The following ANKFN1 variants were observed in gnomAD, a reference collection of about 807,000 sequenced individuals.
ANKFN1 encodes ankyrin repeat and fibronectin type III domain containing 1.
ANKFN1 carries 74 observed loss-of-function variants against 108.7 expected under a neutral mutation model. The ratio of observed to expected loss-of-function variants is 0.68; its 90% CI spans 0.56 to 0.83. ANKFN1 has a LOEUF of 0.83. ANKFN1 is among the 40% of genes least tolerant of loss of function. The pLI, the probability that ANKFN1 is intolerant of heterozygous loss-of-function variation, is 0.00. For missense variants in ANKFN1, 1,505 were observed against 1,382.3 expected (o/e 1.09, Z -1.41); for synonymous variants, 547 against 516.2 (o/e 1.06, Z -0.81).
intron 3 of ANKFN1, among the ~76,000 whole-genome samples, chr17:56,273,069 C>T (rs16956994): frequency 0.21 from 32,651 of 152,138 alleles, 4,070 homozygotes; most frequent in African/African-American, 0.34. Context: ...GCAAATTCTA[C>T]CTTTTCCGGG....
At chr17:56,321,936 G>T (rs1165427619) in intron 3 of ANKFN1, among the ~76,000 whole-genome samples, 1 of 152,122 alleles carries the variant, frequency 6.6e-6, no homozygotes, top group Admixed American at 6.6e-5. Flanking sequence ...GTGGGAAACC[G>T]CAGACTCTCA....
chr17:56,440,132 T>A (rs2049051408), intron 8 of ANKFN1, among the ~76,000 whole-genome samples, 195 bp from the exon 9 acceptor site: 1 of 152,018 alleles, frequency 6.6e-6, no homozygotes. Context: ...GCTCTTCTTT[T>A]AAAAAAAATG....
At chr17:56,348,156 A>T (rs1385987582) in intron 4 of ANKFN1, among the ~76,000 whole-genome samples, 1 of 152,148 alleles carries the variant, frequency 6.6e-6, no homozygotes, top group Admixed American at 6.6e-5. Context: ...CTATTGAATC[A>T]AAGGTAAAGG....
At chr17:56,374,780 T>C in intron 8 of ANKFN1, 66 bp downstream of exon 8, 2 of 1,285,546 alleles carry the variant, frequency 1.6e-6, no homozygotes, top group South Asian at 1.3e-5. Flanking sequence ...TGAGAATCAA[T>C]AGTGCATTTT....
Position 56,511,065 on chromosome 17 carries a change from TCTCCAG to T in ANKFN1, c.3238_3243del (p.Leu1080_Gln1081del), listed in dbSNP as rs1295980808. ...GCCTTCCTGAGGAGCGGAACAGCAG[TCTCCAG>T]GACGCGAGGCCTTCCGTCCGCCGCC... is the stretch of plus-strand genomic sequence containing the variant. On this transcript the variant is annotated inframe_deletion, in exon 21 of 21. Coordinates refer to ENST00000682825, the MANE Select transcript of ANKFN1 (RefSeq NM_001370326.1). The T allele has an allele frequency of 5.2e-6, 8 of 1,535,862 alleles. No individual in the cohort carries two copies. Among genetic ancestry groups the T allele is most frequent in the Non-Finnish European group, 7.0e-6 (8 of 1,146,870 alleles).
chr17:56,412,295 G>A (rs2048115053), intron 8 of ANKFN1, among the ~76,000 whole-genome samples: 1 of 152,110 alleles, frequency 6.6e-6, no homozygotes. Flanking sequence ...CTGATCTTTT[G>A]TATTTCTGTG....
chr17:56,172,897 C>T (rs917415297), intron 1 of ANKFN1, among the ~76,000 whole-genome samples: 1 of 152,168 alleles, frequency 6.6e-6, no homozygotes, highest in Non-Finnish European at 1.5e-5. Context: ...CCCTGGAGCA[C>T]TTGTATCATC....
intron 6 of ANKFN1, among the ~76,000 whole-genome samples, chr17:56,359,566 G>C (rs1482821956): frequency 6.6e-6 from 1 of 152,090 alleles, no homozygotes; most frequent in African/African-American, 2.4e-5. Flanking sequence ...TGTGGAACTA[G>C]AAAGTGTCAC....
intron 20 of ANKFN1, among the ~76,000 whole-genome samples, chr17:56,503,680 C>T (rs558588039): frequency 3.3e-5 from 5 of 151,782 alleles, no homozygotes; most frequent in African/African-American, 1.2e-4. Context: ...CTCCCCATAA[C>T]GCCCTCAAAA....
intron 7 of ANKFN1, 113 bp from the exon 8 acceptor site, chr17:56,374,488 C>T: frequency 1.3e-6 from 1 of 792,110 alleles, no homozygotes; most frequent in South Asian, 1.7e-5. Context: ...TATTAGGCTC[C>T]ACAAACAAAT....
At chr17:56,338,593 G>A (rs2045879670) in intron 4 of ANKFN1, among the ~76,000 whole-genome samples, 1 of 151,862 alleles carries the variant, frequency 6.6e-6, no homozygotes, top group South Asian at 2.1e-4. Flanking sequence ...TCTTTTTAAA[G>A]GACTCTATAT....
At chr17:56,466,991 C>T (rs1347718128) in intron 15 of ANKFN1, among the ~76,000 whole-genome samples, 2 of 152,054 alleles carry the variant, frequency 1.3e-5, no homozygotes, top group African/African-American at 4.8e-5. Context: ...GTGGTGCACA[C>T]TTATAATCTC....
chr17:56,335,094 T>C (rs539750597), intron 4 of ANKFN1, among the ~76,000 whole-genome samples: 1 of 151,436 alleles, frequency 6.6e-6, no homozygotes, highest in African/African-American at 2.4e-5. Context: ...TATCACTGTT[T>C]TGTACCATGA....
chr17:56,081,014 A>G (rs1905239395), intron 4 of ANKFN1, among the ~76,000 whole-genome samples: 1 of 152,186 alleles, frequency 6.6e-6, no homozygotes, highest in African/African-American at 2.4e-5. Context: ...ACTCACATCC[A>G]GTGATGCTGG....
At chr17:56,474,828 G>C (rs1002098485) in intron 15 of ANKFN1, among the ~76,000 whole-genome samples, 5 of 152,154 alleles carry the variant, frequency 3.3e-5, no homozygotes, top group Non-Finnish European at 7.4e-5. Flanking sequence ...CTAGGCTGAA[G>C]AGACAGGATA....
At chr17:56,061,265 CTTTTTT>C in intron 4 of ANKFN1, among the ~76,000 whole-genome samples, 1 of 72,932 alleles carries the variant, frequency 1.4e-5, no homozygotes, top group East Asian at 5.2e-4. Context: ...GGTAGTTTTT[CTTTTTT>C]TTTTTTTTTT....
chr17:56,319,460 C>A (rs929870225), intron 3 of ANKFN1, among the ~76,000 whole-genome samples: 1 of 152,170 alleles, frequency 6.6e-6, no homozygotes, highest in Non-Finnish European at 1.5e-5. Flanking sequence ...CAATAAAAGA[C>A]TTCCCCAGAG....
At chr17:56,482,654 C>T (rs1351716858) in intron 18 of ANKFN1, 130 bp downstream of exon 18, 2 of 1,121,788 alleles carry the variant, frequency 1.8e-6, no homozygotes, top group African/African-American at 1.6e-5. Flanking sequence ...AACAACCCTT[C>T]CTAGAACTGT....
intron 1 of ANKFN1, among the ~76,000 whole-genome samples, chr17:56,201,056 C>T (rs549793089): frequency 1.3e-5 from 2 of 152,330 alleles, no homozygotes; most frequent in African/African-American, 4.8e-5. Context: ...ATCTCTTTGC[C>T]TCCTCAAGAG....
Sources: gnomAD v4.1 joint callset for allele counts (sites outside exome capture counted in the v4.1 genomes callset) on GRCh38, gnomAD v4.1.1 for gene constraint, MANE v1.5 for transcripts, NCBI Gene and HGNC (gene_info 2026-07-23, HGNC 2026-07-21) for gene names.